Variants in SLC35D4 observed in about 807,000 individuals in gnomAD.
SLC35D4 encodes the protein solute carrier family 35 member D4.
At chr18:23,399,794 C>T in the SLC35D4 span, 21 of 705,086 alleles carry the variant, frequency 3.0e-5, no homozygotes, top group Non-Finnish European at 4.6e-5. Flanking sequence ...GAGATGTAGT[C>T]TTTATCGATT....
chr18:23,352,262 G>A, the SLC35D4 span: 1 of 1,608,880 alleles, frequency 6.2e-7, no homozygotes, highest in Non-Finnish European at 8.5e-7. Context: ...TCACTGTACT[G>A]AACATGAGAA....
the SLC35D4 span, among the ~76,000 whole-genome samples, chr18:23,249,368 G>C: frequency 1.6e-4 from 24 of 152,190 alleles, no homozygotes; most frequent in Non-Finnish European, 2.9e-5. Flanking sequence ...GGGGGTTTAG[G>C]AGGAGGAGCC....
At chr18:23,331,275 G>C in the SLC35D4 span, 1 of 152,280 alleles carries the variant, frequency 6.6e-6, no homozygotes, top group East Asian at 1.9e-4. Context: ...TTGGCACCGA[G>C]CTGAAGATCT....
the SLC35D4 span, chr18:23,296,244 A>AT: frequency 6.6e-6 from 1 of 152,160 alleles, no homozygotes; most frequent in Non-Finnish European, 1.5e-5. Flanking sequence ...AAGTATAATA[A>AT]TAAAAAAAAG....
At chr18:23,424,896 G>C in the SLC35D4 span, among the ~76,000 whole-genome samples, 1 of 152,096 alleles carries the variant, frequency 6.6e-6, no homozygotes, top group Admixed American at 6.5e-5. Flanking sequence ...TATTAGGGAG[G>C]AGCTTGACAA....
At chr18:23,424,067 A>C in the SLC35D4 span, among the ~76,000 whole-genome samples, 1 of 152,176 alleles carries the variant, frequency 6.6e-6, no homozygotes, top group African/African-American at 2.4e-5. Context: ...GAGAAGCAAG[A>C]CTAGGGGTAA....
the SLC35D4 span, chr18:23,385,183 A>G: frequency 2.2e-6 from 2 of 891,902 alleles, no homozygotes; most frequent in Admixed American, 2.3e-5. Context: ...ATCCACATAT[A>G]TAATCACTCC....
the SLC35D4 span, among the ~76,000 whole-genome samples, chr18:23,269,372 C>T: frequency 6.6e-6 from 1 of 152,338 alleles, no homozygotes; most frequent in East Asian, 1.9e-4. Context: ...TTTGCTTCCC[C>T]TTCTGCCATG....
the SLC35D4 span, among the ~76,000 whole-genome samples, chr18:23,281,786 G>A: frequency 6.6e-6 from 1 of 152,222 alleles, no homozygotes; most frequent in Non-Finnish European, 1.5e-5. Context: ...ACAACTCAGT[G>A]CAATGGGCCT....
the SLC35D4 span, among the ~76,000 whole-genome samples, chr18:23,435,800 A>AT: frequency 6.6e-6 from 1 of 152,098 alleles, no homozygotes; most frequent in South Asian, 2.1e-4. Context: ...GGCTCAGGAG[A>AT]TTCTCATGCC....
chr18:23,259,830 C>T, the SLC35D4 span: 2 of 152,302 alleles, frequency 1.3e-5, no homozygotes, highest in Non-Finnish European at 2.9e-5. Flanking sequence ...TTGACCTCCT[C>T]CACAGAGGGC....
At chr18:23,263,268 T>C in the SLC35D4 span, among the ~76,000 whole-genome samples, 26 of 152,340 alleles carry the variant, frequency 1.7e-4, no homozygotes, top group Admixed American at 2.6e-4. Flanking sequence ...GCTGGAGAGA[T>C]GGCCTTGAGT....
chr18:23,344,129 G>GA, the SLC35D4 span, among the ~76,000 whole-genome samples: 4 of 152,122 alleles, frequency 2.6e-5, no homozygotes, highest in Non-Finnish European at 5.9e-5. Context: ...TGATCCACCT[G>GA]CCTCTGCCTC....
At chr18:23,402,719 G>A in the SLC35D4 span, among the ~76,000 whole-genome samples, 2 of 152,078 alleles carry the variant, frequency 1.3e-5, no homozygotes, top group South Asian at 2.1e-4. Flanking sequence ...TGGGAGAATC[G>A]TTTGAGCCCA....
chr18:23,363,838 A>C, the SLC35D4 span, among the ~76,000 whole-genome samples: 1 of 152,204 alleles, frequency 6.6e-6, no homozygotes, highest in African/African-American at 2.4e-5. Context: ...GTATGGCTTC[A>C]CAGGACTTAT....
chr18:23,269,665 A>G, the SLC35D4 span, among the ~76,000 whole-genome samples: 4 of 152,214 alleles, frequency 2.6e-5, no homozygotes, highest in South Asian at 6.2e-4. Context: ...GACGTGTTGA[A>G]TGGTTTTGAC....
At chr18:23,244,034 T>C in the SLC35D4 span, among the ~76,000 whole-genome samples, 83 of 152,234 alleles carry the variant, frequency 5.5e-4, no homozygotes, top group Non-Finnish European at 1.1e-3. Context: ...TTCTATGTAT[T>C]TGTCTCGGAT....
chr18:23,428,016 C>A, the SLC35D4 span, among the ~76,000 whole-genome samples: 3 of 151,844 alleles, frequency 2.0e-5, no homozygotes, highest in Admixed American at 6.6e-5. Flanking sequence ...CAGGGGCCTG[C>A]CATGGGTTGG....
At chr18:23,397,660 T>C in the SLC35D4 span, among the ~76,000 whole-genome samples, 1 of 152,342 alleles carries the variant, frequency 6.6e-6, no homozygotes, top group South Asian at 2.1e-4. Flanking sequence ...TGAAAGAGTC[T>C]AATGTTATAC....
Sources: gnomAD v4.1 joint callset for allele counts (sites outside exome capture counted in the v4.1 genomes callset) on GRCh38, gnomAD v4.1.1 for gene constraint, MANE v1.5 for transcripts, NCBI Gene and HGNC (gene_info 2026-07-23, HGNC 2026-07-21) for gene names.